GPC6: variants seen among roughly 807,000 people sequenced by gnomAD.
GPC6 encodes glypican 6.
In GPC6, 14 loss-of-function variants were observed where a neutral mutation model predicts 55.2. That is an observed-to-expected ratio of 0.25 (90% CI 0.17 to 0.40). GPC6 has a LOEUF of 0.40. GPC6 is among the 10% of genes least tolerant of loss of function. GPC6 has a pLI of 1.00. For synonymous variants in GPC6, 278 were observed against 259.6 expected, an observed-to-expected ratio of 1.07 and a Z score of -0.68; for missense variants, 641 against 708.5, an observed-to-expected ratio of 0.90 and a Z score of 1.08.
chr13:94,301,069 T>G (rs1489376246), intron 5 of GPC6, among the ~76,000 whole-genome samples: 1 of 152,158 alleles, frequency 6.6e-6, no homozygotes, highest in African/African-American at 2.4e-5. Context: ...CATGGTCAAA[T>G]AGTTTTGGGA....
At chr13:93,241,763 C>T (rs74108042) in intron 1 of GPC6, among the ~76,000 whole-genome samples, 1,738 of 151,480 alleles carry the variant, frequency 0.011, 35 homozygotes, top group African/African-American at 0.041. Context: ...TATTTTTCTG[C>T]TTCCTTCTCA....
At chr13:93,689,733 A>T (rs1271241061) in intron 2 of GPC6, among the ~76,000 whole-genome samples, 1 of 152,144 alleles carries the variant, frequency 6.6e-6, no homozygotes, top group Non-Finnish European at 1.5e-5. Flanking sequence ...CCTTATCTAA[A>T]TATTTCGCCC....
chr13:93,397,500 G>T (rs1010864357), intron 1 of GPC6, among the ~76,000 whole-genome samples: 2 of 152,054 alleles, frequency 1.3e-5, no homozygotes, highest in Admixed American at 1.3e-4. Flanking sequence ...AAACAGGGTT[G>T]TTTACTTTTA....
intron 4 of GPC6, among the ~76,000 whole-genome samples, chr13:94,068,353 G>T (rs536590699): frequency 6.6e-6 from 1 of 152,082 alleles, no homozygotes; most frequent in East Asian, 1.9e-4. Flanking sequence ...CTCCCACCAG[G>T]TTCCTCCCAT....
chr13:94,010,059 G>A (rs1272351537), intron 3 of GPC6, among the ~76,000 whole-genome samples: 2 of 152,116 alleles, frequency 1.3e-5, no homozygotes, highest in Admixed American at 6.6e-5. Context: ...AAATACCTTC[G>A]AAGCCTGCAA....
At position 93,845,627 on chromosome 13, in the gene GPC6, T is replaced by TG. The variant is rs899498066; in HGVS notation, c.711+15082_711+15083insG. Among the ~76,000 whole-genome samples the TG allele has an allele frequency of 1.5e-4, 21 of 141,622 alleles. 1 individual carries two copies. Among genetic ancestry groups the TG allele is most frequent in the Admixed American group, 8.8e-4 (12 of 13,630 alleles). The allele number at this position is 141,622 out of a possible 152,430, so 92.9% of individuals were successfully genotyped here. On this transcript the variant is annotated intron_variant, in intron 3 of 8. Transcript: ENST00000377047. ...GACTGGATTAAGAAAATGTGGCACA[T>TG]ATACACCATGGAATACTATGCAGCC...
intron 1 of GPC6, among the ~76,000 whole-genome samples, chr13:93,263,652 A>T (rs1366681180): frequency 6.6e-6 from 1 of 152,108 alleles, no homozygotes; most frequent in African/African-American, 2.4e-5. Context: ...GGCATGAGCC[A>T]CCACGCCCCG....
intron 1 of GPC6, among the ~76,000 whole-genome samples, chr13:93,312,933 A>T (rs932961129): frequency 2.0e-5 from 3 of 152,302 alleles, no homozygotes; most frequent in Non-Finnish European, 4.4e-5. Flanking sequence ...TTAAAAATGT[A>T]ATCTATTCTA....
At chr13:93,280,792 G>GT (rs1304017491) in intron 1 of GPC6, among the ~76,000 whole-genome samples, 3 of 152,226 alleles carry the variant, frequency 2.0e-5, no homozygotes, top group African/African-American at 7.2e-5. Context: ...GATGCGGCTA[G>GT]TTTCAGGATT....
chr13:93,346,510 G>A (rs1880436354), intron 1 of GPC6, among the ~76,000 whole-genome samples: 3 of 152,152 alleles, frequency 2.0e-5, no homozygotes, highest in Admixed American at 1.3e-4. Context: ...GACCATGGGT[G>A]ACAGTTTCCC....
At chr13:93,364,086 G>A (rs1175015610) in intron 1 of GPC6, among the ~76,000 whole-genome samples, 1 of 152,102 alleles carries the variant, frequency 6.6e-6, no homozygotes, top group African/African-American at 2.4e-5. Context: ...TCTGCAGGTT[G>A]CCTGTTCACT....
chr13:93,388,309 G>C (rs775000503), intron 1 of GPC6, among the ~76,000 whole-genome samples: 1 of 152,112 alleles, frequency 6.6e-6, no homozygotes, highest in South Asian at 2.1e-4. Context: ...AGCCTATTGC[G>C]TTCCTGAGAC....
intron 3 of GPC6, among the ~76,000 whole-genome samples, chr13:93,954,406 C>T (rs976525914): frequency 5.9e-5 from 9 of 152,244 alleles, no homozygotes; most frequent in Middle Eastern, 3.4e-3. Context: ...CCTCTGTCTT[C>T]CAGGCTCAAG....
At chr13:94,003,150 A>AGCGTG (rs150077293) in intron 3 of GPC6, among the ~76,000 whole-genome samples, 2,224 of 152,250 alleles carry the variant, frequency 0.015, 22 homozygotes, top group Non-Finnish European at 0.022. Flanking sequence ...CTCAGGTAGG[A>AGCGTG]GCGTGGCGTG....
chr13:93,463,044 A>C (rs1259966778), intron 1 of GPC6, among the ~76,000 whole-genome samples: 1 of 152,194 alleles, frequency 6.6e-6, no homozygotes, highest in Non-Finnish European at 1.5e-5. Flanking sequence ...TGTTGGAAGT[A>C]GAATAAATTG....
chr13:94,216,932 G>T (rs545210282), intron 4 of GPC6, among the ~76,000 whole-genome samples: 1 of 152,282 alleles, frequency 6.6e-6, no homozygotes, highest in East Asian at 1.9e-4. Flanking sequence ...AAAGTCAGAA[G>T]ATCTGGGTCT....
intron 1 of GPC6, among the ~76,000 whole-genome samples, chr13:93,375,542 T>C (rs895186503): frequency 6.6e-6 from 1 of 152,160 alleles, no homozygotes; most frequent in African/African-American, 2.4e-5. Flanking sequence ...TCACCGTAAA[T>C]TCTCCAGTGT....
chr13:93,495,996 C>T (rs1172580715), intron 1 of GPC6, among the ~76,000 whole-genome samples: 14 of 151,246 alleles, frequency 9.3e-5, no homozygotes, highest in Non-Finnish European at 1.5e-5. Flanking sequence ...TGCCCTGCCC[C>T]CAGAGGTGGA....
At chr13:93,877,402 C>T (rs914314772) in intron 3 of GPC6, among the ~76,000 whole-genome samples, 2 of 151,506 alleles carry the variant, frequency 1.3e-5, no homozygotes, top group African/African-American at 4.9e-5. Context: ...TTTAATTACC[C>T]CTTTAAAAAT....
Sources: gnomAD v4.1 joint callset for allele counts (sites outside exome capture counted in the v4.1 genomes callset) on GRCh38, gnomAD v4.1.1 for gene constraint, MANE v1.5 for transcripts, NCBI Gene and HGNC (gene_info 2026-07-23, HGNC 2026-07-21) for gene names.